Variants in NME7 observed in about 807,000 individuals in gnomAD.
NME7 encodes the protein nucleoside diphosphate kinase 7.
A neutral mutation model predicts 49.1 loss-of-function variants in NME7; 41 were observed. That is an observed-to-expected ratio of 0.83 (90% CI 0.65 to 1.08). The LOEUF (loss-of-function observed/expected upper bound fraction) is 1.08, where lower values mean the gene tolerates loss of function less well. Ranked by LOEUF, NME7 falls within the 50% of genes least tolerant of loss-of-function variation. NME7 has a pLI of 0.00. For synonymous variants in NME7, 139 were observed against 150.6 expected (o/e 0.92, Z 0.56); for missense variants, 423 against 463.4 (o/e 0.91, Z 0.80).
At chr1:169,249,807 C>T (rs1648484929) in intron 7 of NME7, among the ~76,000 whole-genome samples, 1 of 151,954 alleles carries the variant, frequency 6.6e-6, no homozygotes, top group African/African-American at 2.4e-5. Context: ...TTAAACCATC[C>T]CTGCATCCCT....
intron 7 of NME7, among the ~76,000 whole-genome samples, chr1:169,254,223 T>A (rs1327402950): frequency 6.6e-6 from 1 of 150,996 alleles, no homozygotes; most frequent in Non-Finnish European, 1.5e-5. Flanking sequence ...AGCTATTGAT[T>A]CTTGCCACAA....
chr1:169,303,648 C>T lies in NME7; in HGVS notation c.390-453G>A, dbSNP rs144749005. On this transcript the variant is annotated intron_variant, in intron 4 of 11. Transcript: ENST00000367811. ...TGTACTTTTACTAGAGATGGGGTTT[C>T]ACCATGCTGGCCAGGCTGGTCTCAA... Among the ~76,000 whole-genome samples, 150 of 152,124 alleles carry T rather than the reference C, an allele frequency of 9.9e-4. 2 individuals are homozygous for T. The East Asian group carries it at 0.029, about 29-fold the overall frequency.
At chr1:169,285,805 G>T (rs535923735) in intron 7 of NME7, 3 of 152,140 alleles carry the variant, frequency 2.0e-5, no homozygotes, top group African/African-American at 7.2e-5. Context: ...ATGGTCCTAA[G>T]GATTTACAAT....
intron 1 of NME7, among the ~76,000 whole-genome samples, chr1:169,348,251 G>C (rs761499832): frequency 6.6e-6 from 1 of 151,676 alleles, no homozygotes; most frequent in African/African-American, 2.4e-5. Flanking sequence ...GAATGCATTT[G>C]CCTATATTAC....
intron 8 of NME7, among the ~76,000 whole-genome samples, chr1:169,237,198 GC>G (rs141284190): frequency 8.0e-4 from 121 of 152,114 alleles, no homozygotes; most frequent in East Asian, 6.6e-3. Flanking sequence ...CCAGCAAAAG[GC>G]ACTGGTTAGG....
chr1:169,240,770 C>T (rs1331117955), intron 7 of NME7, among the ~76,000 whole-genome samples: 1 of 152,008 alleles, frequency 6.6e-6, no homozygotes, highest in Admixed American at 6.6e-5. Flanking sequence ...CCAATTTCAT[C>T]AGAATAGTCT....
chr1:169,298,410 T>C (rs1650796386), intron 6 of NME7, 146 bp downstream of exon 6: 4 of 736,010 alleles, frequency 5.4e-6, no homozygotes, highest in South Asian at 3.6e-5. Flanking sequence ...CACTGTTTGA[T>C]AGTAGGCAAG....
chr1:169,264,415 C>T (rs1166375970), intron 7 of NME7, among the ~76,000 whole-genome samples: 2 of 133,522 alleles, frequency 1.5e-5, no homozygotes, highest in East Asian at 2.0e-4. Flanking sequence ...ACCAAACAAA[C>T]GGAAAACAGA....
intron 10 of NME7, among the ~76,000 whole-genome samples, chr1:169,214,622 A>G (rs1039452844): frequency 1.3e-5 from 2 of 152,262 alleles, no homozygotes; most frequent in Admixed American, 6.5e-5. Context: ...CTCCAGGACC[A>G]TGTCAAGAAA....
rs1301614958 is a variant in NME7, at chr1:169,298,776, TAGA to T, written c.441-16_441-14del. On this transcript the variant is annotated splice_polypyrimidine_tract_variant and intron_variant, in intron 5 of 11. Coordinates refer to ENST00000367811, the MANE Select transcript of NME7 (RefSeq NM_013330.5). ...CTGGATCAGCTCACTACAAAACAGATAGAAGATTAGTTTGCTTCTTTTTTCTGT... is the reference window on the plus strand; with the variant it reads ...CTGGATCAGCTCACTACAAAACAGATAGATTAGTTTGCTTCTTTTTTCTGT... The T allele has an allele frequency of 1.6e-5, 25 of 1,606,528 alleles. No individual in the cohort carries two copies. The highest frequency in any genetic ancestry group is 2.0e-5 in the Non-Finnish European group (23 of 1,174,820).
intron 7 of NME7, among the ~76,000 whole-genome samples, chr1:169,261,878 A>G (rs1649175845): frequency 7.4e-6 from 1 of 134,332 alleles, no homozygotes; most frequent in African/African-American, 2.5e-5. Context: ...GTTGCACACT[A>G]AAGTTTGAGA....
intron 10 of NME7, among the ~76,000 whole-genome samples, chr1:169,174,091 C>T (rs907457577): frequency 2.6e-5 from 4 of 152,086 alleles, no homozygotes; most frequent in Non-Finnish European, 5.9e-5. Context: ...ATCATAAGTA[C>T]TAAAAATTCT....
intron 5 of NME7, 146 bp from the exon 6 acceptor site, chr1:169,298,909 T>G (rs1426358801): frequency 2.6e-5 from 19 of 737,566 alleles, no homozygotes; most frequent in Non-Finnish European, 4.1e-5. Flanking sequence ...TAATTTTACA[T>G]GGGCAGGAGA....
intron 10 of NME7, among the ~76,000 whole-genome samples, chr1:169,181,834 T>A (rs1289297402): frequency 6.6e-6 from 1 of 152,178 alleles, no homozygotes; most frequent in Non-Finnish European, 1.5e-5. Context: ...CCATTATTCC[T>A]GAAGCCCTCC....
chr1:169,342,837 CATAT>C (rs71121766), intron 1 of NME7, among the ~76,000 whole-genome samples: 2 of 38,144 alleles, frequency 5.2e-5, no homozygotes, highest in Non-Finnish European at 9.7e-5. Context: ...TATACAAGTA[CATAT>C]ATATATAGTA....
chr1:169,156,725 C>T (rs1230202396), intron 11 of NME7, among the ~76,000 whole-genome samples: 1 of 152,180 alleles, frequency 6.6e-6, no homozygotes, highest in East Asian at 1.9e-4. Context: ...CTGTAACTCC[C>T]TTTGAATCTA....
At chr1:169,148,563 T>C (rs560934002) in intron 11 of NME7, among the ~76,000 whole-genome samples, 1 of 152,204 alleles carries the variant, frequency 6.6e-6, no homozygotes, top group Non-Finnish European at 1.5e-5. Flanking sequence ...GACTCCTTTC[T>C]AAGTCACCTC....
chr1:169,272,721 G>A lies in NME7; in HGVS notation c.754+14582C>T, dbSNP rs1418752819. Among the ~76,000 whole-genome samples, 7 of 132,682 alleles carry A rather than the reference G, an allele frequency of 5.3e-5. 2 individuals carry two copies. Among genetic ancestry groups the A allele is most frequent in the African/African-American group, 1.8e-4 (7 of 39,226 alleles). 87.0% of individuals were successfully genotyped at this position (132,682 alleles called of 152,430 possible). On this transcript the variant is annotated intron_variant, in intron 7 of 11. Coordinates refer to ENST00000367811, the MANE Select transcript of NME7 (RefSeq NM_013330.5). ...TGATGGGCATTTGGGTTGATTCCAT[G>A]TCTTTGCTATTGTGAACCGTGCTGC... is the stretch of plus-strand genomic sequence containing the variant.
intron 3 of NME7, among the ~76,000 whole-genome samples, chr1:169,320,712 TAAG>T (rs753392585): frequency 3.3e-4 from 50 of 152,198 alleles, no homozygotes; most frequent in Admixed American, 7.8e-4. Flanking sequence ...TAAGAAAGAA[TAAG>T]AAGAGAAAAT....
Sources: gnomAD v4.1 joint callset for allele counts (sites outside exome capture counted in the v4.1 genomes callset) on GRCh38, gnomAD v4.1.1 for gene constraint, MANE v1.5 for transcripts, NCBI Gene and HGNC (gene_info 2026-07-23, HGNC 2026-07-21) for gene names.